Variants in GOLPH3L observed in about 807,000 individuals in gnomAD.
The protein encoded by GOLPH3L is Golgi phosphoprotein 3-like.
Under a neutral mutation model 30.3 loss-of-function variants are expected in GOLPH3L, and 22 were observed. The observed-to-expected ratio is 0.73, with a 90% confidence interval of 0.52 to 1.04. The LOEUF (loss-of-function observed/expected upper bound fraction) is 1.04, where lower values mean the gene tolerates loss of function less well. Among genes scored for constraint, GOLPH3L ranks in the 50% least tolerant of loss-of-function variants. The probability of loss-of-function intolerance (pLI) is 0.00; values close to 1 mark genes in which losing one functional copy is unlikely to be tolerated. For missense variants in GOLPH3L, 303 were observed against 345.8 expected (o/e 0.88, Z 0.98); for synonymous variants, 120 against 128.2 (o/e 0.94, Z 0.43).
Position 150,686,051 on chromosome 1 carries a change from T to C in GOLPH3L, c.183+8605A>G, listed in dbSNP as rs1228865239. 2.0e-5 allele frequency among the ~76,000 whole-genome samples: 3 copies of C among 151,918 alleles called. No individual in the cohort carries two copies. In the East Asian group the frequency reaches 5.8e-4, roughly 29 times the overall value. On this transcript the variant is annotated intron_variant, in intron 2 of 4. Coordinates refer to ENST00000271732, the MANE Select transcript of GOLPH3L (RefSeq NM_018178.6). ...CACCACACCCGGCTAATTTTTGTAT[T>C]TTTAGTAAAGATGGGGTTTTACCAT...
At chr1:150,686,364 G>C (rs184556978) in intron 2 of GOLPH3L, among the ~76,000 whole-genome samples, 1 of 152,126 alleles carries the variant, frequency 6.6e-6, no homozygotes, top group African/African-American at 2.4e-5. Context: ...ATAGGTTCAC[G>C]CAGGGCTGTT....
intron 2 of GOLPH3L, among the ~76,000 whole-genome samples, chr1:150,664,446 AT>A (rs1317738323): frequency 6.6e-6 from 1 of 151,962 alleles, no homozygotes; most frequent in Non-Finnish European, 1.5e-5. Flanking sequence ...ATATGTATTA[AT>A]TTGAAGTTCT....
At chr1:150,692,079 T>C (rs928881717) in intron 2 of GOLPH3L, among the ~76,000 whole-genome samples, 5 of 152,162 alleles carry the variant, frequency 3.3e-5, no homozygotes, top group Admixed American at 6.5e-5. Context: ...ATATTTAGCA[T>C]AATCCTAAGC....
chr1:150,669,380 T>C (rs1452809419), intron 2 of GOLPH3L, among the ~76,000 whole-genome samples: 2 of 152,194 alleles, frequency 1.3e-5, no homozygotes, highest in Non-Finnish European at 2.9e-5. Flanking sequence ...CAATTATTTA[T>C]ATTTAAAGGT....
chr1:150,678,284 C>CAAAAAAAAAAAA (rs75131824), intron 2 of GOLPH3L, among the ~76,000 whole-genome samples: 9 of 45,916 alleles, frequency 2.0e-4, no homozygotes, highest in East Asian at 8.2e-4. Context: ...AACTCCGTCT[C>CAAAAAAAAAAAA]AAAAAAAAAA....
At chr1:150,650,860 C>T (rs1280222729) in intron 4 of GOLPH3L, among the ~76,000 whole-genome samples, 1 of 151,990 alleles carries the variant, frequency 6.6e-6, no homozygotes, top group African/African-American at 2.4e-5. Flanking sequence ...ACCCATTGAC[C>T]CATTCAGAAG....
intron 4 of GOLPH3L, among the ~76,000 whole-genome samples, chr1:150,658,311 A>G (rs587753461): frequency 6.6e-6 from 1 of 152,336 alleles, no homozygotes; most frequent in Non-Finnish European, 1.5e-5. Flanking sequence ...ATTTAATGGT[A>G]GCTATGATAG....
Position 150,692,477 on chromosome 1 carries a change from C to T in GOLPH3L, c.183+2179G>A, listed in dbSNP as rs181499750. On this transcript the variant is annotated intron_variant, in intron 2 of 4. Coordinates refer to ENST00000271732, the MANE Select transcript of GOLPH3L (RefSeq NM_018178.6). ...CCTGGTTCACTGAAGCCTCGACCTC[C>T]GAGGCTTAAGCCATCCTCTTGACTC... Among the ~76,000 whole-genome samples, 8 of 152,192 alleles carry T rather than the reference C, an allele frequency of 5.3e-5. 1 individual carries two copies. The highest frequency in any genetic ancestry group is 1.7e-4 in the African/African-American group (7 of 41,438).
In GOLPH3L at chr1:150,689,306, T is replaced by C. The variant is rs1014508253; in HGVS notation, c.183+5350A>G. Among the ~76,000 whole-genome samples the C allele has an allele frequency of 1.3e-5, 2 of 152,194 alleles. 1 individual carries two copies. The highest frequency in any genetic ancestry group is 1.3e-4 in the Admixed American group (2 of 15,282). ...ACCACTAGGAGTCAAAAGCAGTAAT[T>C]GGCTTACTCCCCTTACAGGTAACTT... On this transcript the variant is annotated intron_variant, in intron 2 of 4. Coordinates refer to ENST00000271732, the MANE Select transcript of GOLPH3L (RefSeq NM_018178.6).
chr1:150,692,062 A>G (rs1453627005), intron 2 of GOLPH3L, among the ~76,000 whole-genome samples: 4 of 152,124 alleles, frequency 2.6e-5, no homozygotes, highest in Non-Finnish European at 4.4e-5. Context: ...TATTTACCTT[A>G]GTATTAATAT....
chr1:150,653,943 A>C (rs963175480), intron 4 of GOLPH3L, among the ~76,000 whole-genome samples: 1 of 151,184 alleles, frequency 6.6e-6, no homozygotes, highest in Admixed American at 6.6e-5. Context: ...TTGTATTTTC[A>C]GTACAGACGG....
At chr1:150,687,063 T>C (rs1651100840) in intron 2 of GOLPH3L, among the ~76,000 whole-genome samples, 1 of 152,194 alleles carries the variant, frequency 6.6e-6, no homozygotes, top group African/African-American at 2.4e-5. Context: ...ATTGTTCATT[T>C]TGCGCGATTA....
intron 2 of GOLPH3L, among the ~76,000 whole-genome samples, chr1:150,667,890 G>A (rs772904326): frequency 6.6e-6 from 1 of 152,026 alleles, no homozygotes; most frequent in Non-Finnish European, 1.5e-5. Context: ...CACCACGCCC[G>A]GCCCACTAGT....
intron 2 of GOLPH3L, among the ~76,000 whole-genome samples, chr1:150,692,910 T>C (rs1651244255): frequency 6.6e-6 from 1 of 152,252 alleles, no homozygotes; most frequent in South Asian, 2.1e-4. Context: ...AGCTTTTAGT[T>C]CTATATCCTC....
intron 2 of GOLPH3L, among the ~76,000 whole-genome samples, chr1:150,668,382 T>C (rs1311098135): frequency 6.6e-6 from 1 of 152,026 alleles, no homozygotes; most frequent in Non-Finnish European, 1.5e-5. Flanking sequence ...ATTTGTTTTT[T>C]TGGTTTTGTT....
intron 2 of GOLPH3L, among the ~76,000 whole-genome samples, chr1:150,669,206 A>C (rs1650584317): frequency 1.3e-5 from 2 of 152,326 alleles, no homozygotes; most frequent in East Asian, 3.9e-4. Context: ...GACTGGATTT[A>C]GAAAAAGAAA....
intron 4 of GOLPH3L, among the ~76,000 whole-genome samples, chr1:150,652,510 C>T (rs587640356): frequency 2.0e-5 from 3 of 151,226 alleles, no homozygotes. Flanking sequence ...GCTAGCAGAC[C>T]TGCTTATAAG....
chr1:150,678,284 C>CAAAAAAAAAAAAAA (rs75131824), intron 2 of GOLPH3L, among the ~76,000 whole-genome samples: 11 of 45,926 alleles, frequency 2.4e-4, no homozygotes, highest in Non-Finnish European at 3.7e-4. Flanking sequence ...AACTCCGTCT[C>CAAAAAAAAAAAAAA]AAAAAAAAAA....
intron 2 of GOLPH3L, among the ~76,000 whole-genome samples, chr1:150,679,592 T>TA (rs1180109690): frequency 6.6e-6 from 1 of 152,076 alleles, no homozygotes; most frequent in African/African-American, 2.4e-5. Flanking sequence ...GGTCAGGAGT[T>TA]AGAGACCAGC....
Sources: gnomAD v4.1 joint callset for allele counts (sites outside exome capture counted in the v4.1 genomes callset) on GRCh38, gnomAD v4.1.1 for gene constraint, MANE v1.5 for transcripts, NCBI Gene and HGNC (gene_info 2026-07-23, HGNC 2026-07-21) for gene names.